SLC16A14: variants seen among roughly 807,000 people sequenced by gnomAD.
SLC16A14 encodes the protein monocarboxylate transporter 14.
In SLC16A14, 14 loss-of-function variants were observed where a neutral mutation model predicts 35.8. The ratio of observed to expected loss-of-function variants is 0.39; its 90% confidence interval spans 0.26 to 0.61. The LOEUF is 0.61. Ranked by LOEUF, SLC16A14 falls within the 20% of genes least tolerant of loss-of-function variation. The pLI is 0.51. For missense variants in SLC16A14, 533 were observed against 655.0 expected (o/e 0.81, Z 2.03); for synonymous variants, 248 against 258.9 (o/e 0.96, Z 0.40).
chr2:230,060,087 T>C (rs1369591331), intron 1 of SLC16A14, among the ~76,000 whole-genome samples: 1 of 152,140 alleles, frequency 6.6e-6, no homozygotes, highest in African/African-American at 2.4e-5. Context: ...GAAAATTACT[T>C]CAAAAATAGG....
chr2:230,043,001 G>A (rs1034429306), intron 4 of SLC16A14, among the ~76,000 whole-genome samples: 3 of 152,136 alleles, frequency 2.0e-5, no homozygotes, highest in African/African-American at 7.2e-5. Context: ...CTATATTTCT[G>A]GTTATGTGAC....
intron 3 of SLC16A14, among the ~76,000 whole-genome samples, chr2:230,049,414 T>C (rs1041771616): frequency 1.3e-5 from 2 of 152,130 alleles, no homozygotes; most frequent in African/African-American, 4.8e-5. Flanking sequence ...CACACTGATG[T>C]AATTTCCTTA....
intron 2 of SLC16A14, 80 bp downstream of exon 2, chr2:230,059,014 A>C: frequency 6.7e-7 from 1 of 1,501,824 alleles, no homozygotes; most frequent in Non-Finnish European, 8.9e-7. Flanking sequence ...GAATGTTACA[A>C]CAATATAAAA....
intron 2 of SLC16A14, among the ~76,000 whole-genome samples, chr2:230,052,017 A>G (rs567768206): frequency 2.2e-4 from 33 of 151,790 alleles, no homozygotes; most frequent in African/African-American, 7.7e-4. Context: ...ACTCACTGCA[A>G]GCTCCGCCTC....
chr2:230,062,030 T>C (rs1302731884), intron 1 of SLC16A14, among the ~76,000 whole-genome samples: 1 of 152,152 alleles, frequency 6.6e-6, no homozygotes, highest in Admixed American at 6.5e-5. Flanking sequence ...CATGAAGCAC[T>C]CTGCCCGGCT....
In SLC16A14 at chr2:230,046,568, G is replaced by A. The variant is rs201216147; in HGVS notation, c.558C>T (p.Tyr186=). 1.9e-6 allele frequency: 3 copies of A among 1,614,018 alleles called. No homozygotes were observed. Among genetic ancestry groups the A allele is most frequent in the Admixed American group, 1.7e-5 (1 of 60,012 alleles). The part of the protein sequence containing the change: ...TVLLKYLCAE[Y]GWRNAMLIQG... ...GGATCAACATGGCATTCCTCCAGCC[G>A]TACTCTGCGCACAGGTACTTCAGCA... is the stretch of plus-strand genomic sequence containing the variant. Residue 186 remains tyrosine (Y), a synonymous_variant, in exon 4 of 5, where the codon TAC becomes TAT. Coordinates refer to ENST00000295190, the MANE Select transcript of SLC16A14 (RefSeq NM_152527.5). The surrounding 1 kb of genome is among the most constrained non-coding windows in gnomAD (Gnocchi z 5.0).
rs1161856644 is a variant in SLC16A14 at position 230,037,524 on chromosome 2, G to T, written c.1389C>A (p.Ile463=). The T allele has an allele frequency of 6.2e-7, 1 of 1,604,066 alleles. No individual in the cohort carries two copies. Among genetic ancestry groups the T allele is most frequent in the South Asian group, 1.1e-5 (1 of 89,210 alleles). The stretch of plus-strand genomic sequence containing the variant: ...AATCATATTTTTGCGTGATGTCATA[G>T]ATCCACCCTACAAAACAAAAAAGAA... The part of the protein sequence containing the change: ...ALLGPPFAGW[I]YDITQKYDFS... The change falls in exon 5 of 5, where the codon ATC becomes ATA. Residue 463 remains isoleucine, a synonymous_variant. Coordinates refer to ENST00000295190, the MANE Select transcript of SLC16A14 (RefSeq NM_152527.5).
intron 4 of SLC16A14, among the ~76,000 whole-genome samples, chr2:230,043,944 G>A (rs774099804): frequency 5.3e-5 from 8 of 152,216 alleles, no homozygotes; most frequent in Non-Finnish European, 1.0e-4. Flanking sequence ...TGCAAATGAA[G>A]GGAATACATG....
chr2:230,056,865 G>A (rs1044483442), intron 2 of SLC16A14, among the ~76,000 whole-genome samples: 2 of 114,178 alleles, frequency 1.8e-5, no homozygotes, highest in Non-Finnish European at 3.4e-5. Context: ...GTGACACCCT[G>A]TTTCTACAAA....
At chr2:230,064,718 A>G (rs148836550) in intron 1 of SLC16A14, among the ~76,000 whole-genome samples, 1,732 of 152,306 alleles carry the variant, frequency 0.011, 16 homozygotes, top group Admixed American at 0.02. Context: ...TTTAAAAGTT[A>G]GAGTTTTTTA....
Position 230,046,735 on chromosome 2 carries a change from A to G in SLC16A14, c.404-13T>C. ...CCGCTGCCCAGGCCTGTACAGGCCG[A>G]CGGGGGGAAGAAAAGACACAGTGCA... On this transcript the variant is annotated splice_polypyrimidine_tract_variant and intron_variant, in intron 3 of 4. Transcript: ENST00000295190. This position sits in a 1 kb window ranked among gnomAD's most constrained non-coding sequence, Gnocchi z 5.0. 4 of 1,573,530 alleles carry G rather than the reference A, an allele frequency of 2.5e-6. No individual in the cohort carries two copies. Among genetic ancestry groups the G allele is most frequent in the Non-Finnish European group, 3.4e-6 (4 of 1,164,612 alleles).
chr2:230,052,145 C>A (rs951919386), intron 2 of SLC16A14, among the ~76,000 whole-genome samples: 6 of 152,028 alleles, frequency 3.9e-5, no homozygotes, highest in Non-Finnish European at 8.8e-5. Context: ...CCGTGTTAGC[C>A]AGGATGGTCT....
Position 230,037,288 on chromosome 2 carries a change from G to T in SLC16A14, c.*92C>A, listed in dbSNP as rs2077525892. On this transcript the variant is annotated 3_prime_UTR_variant, in exon 5 of 5. Transcript: ENST00000295190. ...GACAGTGCCAGTTACCGTACAAAATGCTTTCCCACGTCCTGTCATAGGTGC... is the reference window on the plus strand; with the variant it reads ...GACAGTGCCAGTTACCGTACAAAATTCTTTCCCACGTCCTGTCATAGGTGC... 2 of 1,241,960 alleles carry T rather than the reference G, an allele frequency of 1.6e-6. No homozygotes were observed. The highest frequency in any genetic ancestry group is 2.0e-4 in the Middle Eastern group (1 of 5,040). The allele number at this position is 1,241,960 out of a possible 1,614,324, so 76.9% of individuals were successfully genotyped here.
chr2:230,049,053 T>TTAC (rs1237024873), intron 3 of SLC16A14, among the ~76,000 whole-genome samples: 1 of 2,430 alleles, frequency 4.1e-4, no homozygotes, highest in Non-Finnish European at 1.5e-3. Context: ...ACAGGAGGCT[T>TTAC]TATTATTATT....
At chr2:230,043,596 G>A (rs1415532387) in intron 4 of SLC16A14, among the ~76,000 whole-genome samples, 1 of 152,194 alleles carries the variant, frequency 6.6e-6, no homozygotes, top group Admixed American at 6.5e-5. Context: ...ATCTGAACAG[G>A]TGAGGCTCCA....
At chr2:230,039,179 ACATT>A (rs1358536631) in intron 4 of SLC16A14, among the ~76,000 whole-genome samples, 1 of 151,790 alleles carries the variant, frequency 6.6e-6, no homozygotes, top group Non-Finnish European at 1.5e-5. Flanking sequence ...ATCAGTCAAG[ACATT>A]CATAAAGAAA....
At position 230,037,395 on chromosome 2, in the gene SLC16A14, A is replaced by G. The variant is rs1224251210; in HGVS notation, c.1518T>C (p.Asp506=). Residue 506 remains aspartate (D), a synonymous_variant, in exon 5 of 5, where the codon GAT becomes GAC. Coordinates refer to ENST00000295190, the MANE Select transcript of SLC16A14 (RefSeq NM_152527.5). ...IIEQSRRKYM[D]GAHV is the part of the protein sequence containing the mutation. Reference sequence around the variant, plus strand: ...TTACATGATACTAAACATGTGCACCATCCATGTATTTTCTTCTGGATTGTT... The same window carrying G: ...TTACATGATACTAAACATGTGCACCGTCCATGTATTTTCTTCTGGATTGTT... The G allele has an allele frequency of 3.7e-6, 6 of 1,608,236 alleles. No individual in the cohort carries two copies. In the African/African-American group the frequency reaches 5.4e-5, roughly 14 times the overall value.
intron 4 of SLC16A14, among the ~76,000 whole-genome samples, chr2:230,044,312 A>T (rs2077583097): frequency 9.2e-6 from 1 of 108,548 alleles, no homozygotes; most frequent in African/African-American, 3.0e-5. Context: ...GTCTCTACTT[A>T]AAAAAAAAAA....
rs778133325 is a variant in SLC16A14 at position 230,046,738 on chromosome 2, G to T, written c.404-16C>A. On this transcript the variant is annotated splice_polypyrimidine_tract_variant and intron_variant, in intron 3 of 4. Transcript: ENST00000295190. This position sits in a 1 kb window ranked among gnomAD's most constrained non-coding sequence, Gnocchi z 5.0. The stretch of plus-strand genomic sequence containing the variant: ...CTGCCCAGGCCTGTACAGGCCGACG[G>T]GGGGAAGAAAAGACACAGTGCAACA... The T allele has an allele frequency of 1.9e-6, 3 of 1,571,726 alleles. No homozygotes were observed. The highest frequency in any genetic ancestry group is 2.6e-6 in the Non-Finnish European group (3 of 1,163,810).
Sources: gnomAD v4.1 joint callset for allele counts (sites outside exome capture counted in the v4.1 genomes callset) on GRCh38, gnomAD v4.1.1 for gene constraint, Gnocchi (gnomAD v3.1) non-coding constraint, MANE v1.5 for transcripts, NCBI Gene and HGNC (gene_info 2026-07-23, HGNC 2026-07-21) for gene names.